Variants in MARCHF1 observed in about 807,000 individuals in gnomAD.
MARCHF1 encodes membrane associated ring-CH-type finger 1.
In MARCHF1, 40 loss-of-function variants were observed where a neutral mutation model predicts 54.2. That is an observed-to-expected ratio of 0.74 (90% CI 0.57 to 0.96). The LOEUF (loss-of-function observed/expected upper bound fraction) is 0.96. Ranked by LOEUF, MARCHF1 falls within the 40% of genes least tolerant of loss-of-function variation. MARCHF1 has a pLI of 0.00. For synonymous variants in MARCHF1, 236 were observed against 236.3 expected (o/e 1.00, Z 0.01); for missense variants, 586 against 656.5 (o/e 0.89, Z 1.17).
At position 164,246,293 on chromosome 4, in the gene MARCHF1, G is replaced by A. The variant is rs368987993; in HGVS notation, c.-322-134631C>T. On this transcript the variant is annotated intron_variant, in intron 1 of 9. Transcript: ENST00000514618. ...ACAGAACAGAGCCCTCAGAAATAAC[G>A]CCGCATATCTACAACTATCTGATCT... 1.7e-3 allele frequency among the ~76,000 whole-genome samples: 75 copies of A among 44,712 alleles called. 1 individual carries two copies. The highest frequency in any genetic ancestry group is 3.2e-3 in the African/African-American group (53 of 16,804). The allele number at this position is 44,712 out of a possible 152,430, so 29.3% of individuals were successfully genotyped here.
At chr4:164,032,394 C>T (rs76811611) in intron 2 of MARCHF1, among the ~76,000 whole-genome samples, 18,250 of 152,082 alleles carry the variant, frequency 0.12, 1,261 homozygotes, top group South Asian at 0.22. Flanking sequence ...TTTGCTTGCC[C>T]TTGCTTCTCC....
At chr4:163,579,927 A>G (rs1271558430) in intron 8 of MARCHF1, among the ~76,000 whole-genome samples, 1 of 152,160 alleles carries the variant, frequency 6.6e-6, no homozygotes, top group Non-Finnish European at 1.5e-5. Context: ...AAAATTGAGA[A>G]TTAATTAAAA....
chr4:163,835,925 T>C (rs767548586), intron 4 of MARCHF1, among the ~76,000 whole-genome samples: 2 of 152,278 alleles, frequency 1.3e-5, no homozygotes, highest in Admixed American at 6.5e-5. Context: ...ATAATTTGCT[T>C]GAAATGTCTT....
intron 8 of MARCHF1, among the ~76,000 whole-genome samples, chr4:163,555,325 G>T (rs919142450): frequency 1.3e-5 from 2 of 152,114 alleles, no homozygotes; most frequent in East Asian, 3.9e-4. Context: ...CCCTAAGGAA[G>T]GAAAAGTTCA....
chr4:164,314,540 C>T (rs542047924), intron 1 of MARCHF1, among the ~76,000 whole-genome samples: 20 of 152,268 alleles, frequency 1.3e-4, no homozygotes, highest in Non-Finnish European at 2.6e-4. Flanking sequence ...TCAGTACTCA[C>T]GCAGGCATAC....
chr4:164,297,318 G>T (rs1404836309), intron 1 of MARCHF1, among the ~76,000 whole-genome samples: 1 of 152,144 alleles, frequency 6.6e-6, no homozygotes, highest in Non-Finnish European at 1.5e-5. Context: ...GGAGAAATCT[G>T]GCAAAGAGTA....
chr4:163,577,754 T>G (rs1228032973), intron 8 of MARCHF1, among the ~76,000 whole-genome samples: 1 of 152,076 alleles, frequency 6.6e-6, no homozygotes, highest in African/African-American at 2.4e-5. Context: ...TAATTTTATA[T>G]TTCATGAACA....
At chr4:164,320,336 T>G (rs1359446869) in intron 1 of MARCHF1, among the ~76,000 whole-genome samples, 1 of 152,114 alleles carries the variant, frequency 6.6e-6, no homozygotes, top group African/African-American at 2.4e-5. Context: ...TCCAAAATCT[T>G]TAATGAGAGG....
At chr4:163,752,053 G>A (rs1387134266) in intron 4 of MARCHF1, among the ~76,000 whole-genome samples, 8 of 152,106 alleles carry the variant, frequency 5.3e-5, no homozygotes, top group Non-Finnish European at 2.9e-5. Flanking sequence ...GACACATGAT[G>A]GAAATAACTC....
chr4:163,709,050 G>A (rs1245758628), intron 4 of MARCHF1, among the ~76,000 whole-genome samples: 1 of 152,092 alleles, frequency 6.6e-6, no homozygotes, highest in Non-Finnish European at 1.5e-5. Context: ...AATAGATTAT[G>A]TATAGAGAGT....
intron 3 of MARCHF1, among the ~76,000 whole-genome samples, chr4:163,856,952 T>A (rs1248725848): frequency 1.3e-5 from 2 of 150,948 alleles, no homozygotes; most frequent in Non-Finnish European, 3.0e-5. Context: ...GAGGTGGAGG[T>A]TGTAGTGAGC....
At chr4:164,364,632 T>G (rs2110936280) in intron 1 of MARCHF1, among the ~76,000 whole-genome samples, 1 of 152,088 alleles carries the variant, frequency 6.6e-6, no homozygotes, top group South Asian at 2.1e-4. Flanking sequence ...TTCTTAGAGT[T>G]AAATTTTTCA....
At chr4:164,031,012 G>A (rs1753865686) in intron 2 of MARCHF1, among the ~76,000 whole-genome samples, 2 of 152,148 alleles carry the variant, frequency 1.3e-5, no homozygotes, top group Non-Finnish European at 1.5e-5. Context: ...CATGTCATCT[G>A]CAAACAGAGA....
At chr4:163,842,942 G>C (rs1025821857) in intron 4 of MARCHF1, among the ~76,000 whole-genome samples, 2 of 151,120 alleles carry the variant, frequency 1.3e-5, no homozygotes, top group African/African-American at 4.9e-5. Context: ...GATGCGTGGT[G>C]TAAGAATGAT....
chr4:163,665,384 A>G (rs1743496589), intron 5 of MARCHF1, among the ~76,000 whole-genome samples: 1 of 152,130 alleles, frequency 6.6e-6, no homozygotes, highest in Non-Finnish European at 1.5e-5. Context: ...ATGGCCTACA[A>G]GTTCAGATGT....
chr4:164,226,948 A>T (rs1256690542), intron 1 of MARCHF1, among the ~76,000 whole-genome samples: 1 of 152,138 alleles, frequency 6.6e-6, no homozygotes, highest in African/African-American at 2.4e-5. Context: ...ACTAAAAGTA[A>T]TTAGATTATC....
intron 3 of MARCHF1, among the ~76,000 whole-genome samples, chr4:163,926,120 C>T (rs1268311170): frequency 6.6e-6 from 1 of 151,404 alleles, no homozygotes; most frequent in Non-Finnish European, 1.5e-5. Context: ...ATATAATTAC[C>T]ATCTAAGTCA....
intron 1 of MARCHF1, among the ~76,000 whole-genome samples, chr4:164,138,491 T>C (rs532263408): frequency 9.9e-5 from 15 of 152,098 alleles, no homozygotes; most frequent in Non-Finnish European, 1.6e-4. Context: ...GGCCTGGACT[T>C]TGAGATATAG....
At chr4:164,183,703 A>T (rs1317387886) in intron 1 of MARCHF1, among the ~76,000 whole-genome samples, 1 of 152,210 alleles carries the variant, frequency 6.6e-6, no homozygotes, top group Non-Finnish European at 1.5e-5. Flanking sequence ...TTGACAAGAT[A>T]AGCAGGTAAC....
Sources: gnomAD v4.1 joint callset for allele counts (sites outside exome capture counted in the v4.1 genomes callset) on GRCh38, gnomAD v4.1.1 for gene constraint, MANE v1.5 for transcripts, NCBI Gene and HGNC (gene_info 2026-07-23, HGNC 2026-07-21) for gene names.